UTP3: variants seen among roughly 807,000 people sequenced by gnomAD.
The protein encoded by UTP3 is UTP3 small subunit processome component, also known as something about silencing protein 10.
UTP3 carries 19 observed loss-of-function variants against 37.9 expected under a neutral mutation model. The ratio of observed to expected loss-of-function variants is 0.50; its 90% CI spans 0.35 to 0.74. The LOEUF is 0.74. Ranked by LOEUF, UTP3 falls within the 30% of genes least tolerant of loss-of-function variation. The probability of loss-of-function intolerance (pLI) is 0.01; values close to 1 mark genes in which losing one functional copy is unlikely to be tolerated. For missense variants in UTP3, 504 were observed against 570.7 expected (o/e 0.88, Z 1.19); for synonymous variants, 242 against 218.5 (o/e 1.11, Z -0.95).
chr4:70,689,547 C>A lies in UTP3; in HGVS notation c.870C>A (p.Val290=), dbSNP rs146828085. Residue 290 remains valine, a synonymous_variant, in exon 1 of 1, where the codon GTC becomes GTA. Transcript: ENST00000254803. Reference sequence around the variant, plus strand: ...ATTTGATCCTGAAAGCTAGGAGAGTCCCAGCACATGGACATCCTGTCATAG... The same window carrying A: ...ATTTGATCCTGAAAGCTAGGAGAGTACCAGCACATGGACATCCTGTCATAG... ...SFYLILKARR[V]PAHGHPVIER... is the part of the protein sequence containing the mutation. 1.0e-4 allele frequency: 169 copies of A among 1,614,068 alleles called. 1 individual carries two copies. The highest frequency in any genetic ancestry group is 8.4e-5 in the Non-Finnish European group (99 of 1,180,050).
At position 70,689,053 on chromosome 4, in the gene UTP3, A is replaced by T; in HGVS notation, c.376A>T (p.Ser126Cys). ...QSEAEASVDP[S>C]LSWGQRKKLY... is the part of the protein sequence containing the mutation. ...TGAAGCTGAGGCCTCTGTGGATCCC[A>T]GTTTGTCGTGGGGTCAGAGGAAAAA... The change falls in exon 1 of 1, where the codon AGT becomes TGT. Residue 126 changes from serine to cysteine, a missense_variant. Transcript: ENST00000254803. The T allele has an allele frequency of 6.3e-7, 1 of 1,591,822 alleles. No individual in the cohort carries two copies. Among genetic ancestry groups the T allele is most frequent in the Non-Finnish European group, 8.6e-7 (1 of 1,168,088 alleles).
In UTP3 at chr4:70,689,937, A is replaced by G; in HGVS notation, c.1260A>G (p.Gly420=). The part of the protein sequence containing the change: ...AITYQIAKNR[G]LTPRRKKIDR... ...CCTATCAAATTGCTAAAAATAGGGG[A>G]CTTACTCCTAGGAGAAAGAAGATTG... The change falls in exon 1 of 1, where the codon GGA becomes GGG. Residue 420 remains glycine, a synonymous_variant. Transcript: ENST00000254803. 1 of 1,614,024 alleles carries G rather than the reference A, an allele frequency of 6.2e-7. No individual in the cohort carries two copies. The highest frequency in any genetic ancestry group is 1.7e-5 in the Admixed American group (1 of 59,960).
In UTP3 at chr4:70,688,546, A is replaced by G; in HGVS notation, c.-132A>G. 1.2e-6 allele frequency: 1 copy of G among 864,086 alleles called. No individual in the cohort carries two copies. The highest frequency in any genetic ancestry group is 1.7e-6 in the Non-Finnish European group (1 of 573,002). The allele number at this position is 864,086 out of a possible 1,614,324, so 53.5% of individuals were successfully genotyped here. A position where few individuals can be genotyped will look rare whatever the true frequency, so the allele number is the denominator to read the frequency against. On this transcript the variant is annotated 5_prime_UTR_variant, in exon 1 of 1. Coordinates refer to ENST00000254803, the MANE Select transcript of UTP3 (RefSeq NM_020368.3). ...GAGGAAATTCCAGTAGCCGATCAGG[A>G]GTCTGCAAACTCCGGTGGTAGGGGA... is the stretch of plus-strand genomic sequence containing the variant.
At position 70,688,912 on chromosome 4, in the gene UTP3, G is replaced by A. The variant is rs770429602; in HGVS notation, c.235G>A (p.Glu79Lys). The A allele has an allele frequency of 2.5e-6, 4 of 1,613,508 alleles. No individual in the cohort carries two copies. The highest frequency in any genetic ancestry group is 3.4e-6 in the Non-Finnish European group (4 of 1,179,638). The change falls in exon 1 of 1, where the codon GAG becomes AAG. Residue 79 changes from glutamate to lysine, a missense_variant. Transcript: ENST00000254803. ...AGACGAGGAGGATGGCGAGGAGGAGGAGGAGGAGGTGCTAGCCCTAGATAT... is the reference window on the plus strand; with the variant it reads ...AGACGAGGAGGATGGCGAGGAGGAGAAGGAGGAGGTGCTAGCCCTAGATAT... The part of the protein sequence containing the change: ...SGDEEDGEEE[E>K]EEVLALDMDD...
chr4:70,689,881 C>T lies in UTP3; in HGVS notation c.1204C>T (p.Leu402Phe). The T allele has an allele frequency of 6.2e-7, 1 of 1,613,978 alleles. No homozygotes were observed. Among genetic ancestry groups the T allele is most frequent in the Non-Finnish European group, 8.5e-7 (1 of 1,180,014 alleles). ...KEENSTEEQA[L>F]EDQNAKRAIT... is the part of the protein sequence containing the mutation. Reference sequence around the variant, plus strand: ...AGAAAATAGCACTGAAGAACAGGCTCTTGAAGATCAAAATGCAAAGAGAGC... The same window carrying T: ...AGAAAATAGCACTGAAGAACAGGCTTTTGAAGATCAAAATGCAAAGAGAGC... The change falls in exon 1 of 1, where the codon CTT becomes TTT. Residue 402 changes from leucine to phenylalanine, a missense_variant. Transcript: ENST00000254803.
Position 70,688,859 on chromosome 4 carries a change from C to T in UTP3, c.182C>T (p.Ala61Val), listed in dbSNP as rs756612188. Residue 61 changes from alanine to valine, a missense_variant, in exon 1 of 1, where the codon GCT becomes GTT. Physicochemically the swap from Ala to Val is moderately conservative, Grantham distance 64 (BLOSUM62 0). Coordinates refer to ENST00000254803, the MANE Select transcript of UTP3 (RefSeq NM_020368.3). ...GAGGCACGATCCCGGGCCGCCTTAG[C>T]TAAGGGCTGGAATGAAGTACAGAGT... ...FHEARSRAAL[A>V]KGWNEVQSGD... 3 of 1,614,048 alleles carry T rather than the reference C, an allele frequency of 1.9e-6. No individual in the cohort carries two copies. The South Asian group carries it at 3.3e-5, about 18-fold the overall frequency.
At position 70,690,251 on chromosome 4, in the gene UTP3, T is replaced by G. The variant is rs2148536729; in HGVS notation, c.*134T>G. ...CCACAAGGAAATTTGTCTGGGTTAT[T>G]GGACAATTTATAAGAACTATGGGAG... On this transcript the variant is annotated 3_prime_UTR_variant, in exon 1 of 1. Transcript: ENST00000254803. The G allele has an allele frequency of 1.0e-6, 1 of 976,288 alleles. No homozygotes were observed. Among genetic ancestry groups the G allele is most frequent in the Non-Finnish European group, 1.4e-6 (1 of 723,934 alleles). The allele number at this position is 976,288 out of a possible 1,614,324, so 60.5% of individuals were successfully genotyped here.
At position 70,689,124 on chromosome 4, in the gene UTP3, G is replaced by A. The variant is rs1425518676; in HGVS notation, c.447G>A (p.Gln149=). 1.1e-5 allele frequency: 17 copies of A among 1,613,610 alleles called. No homozygotes were observed. The highest frequency in any genetic ancestry group is 1.7e-5 in the Admixed American group (1 of 59,946). Residue 149 remains glutamine (Q), a synonymous_variant, in exon 1 of 1, where the codon CAG becomes CAA. Coordinates refer to ENST00000254803, the MANE Select transcript of UTP3 (RefSeq NM_020368.3). The stretch of plus-strand genomic sequence containing the variant: ...ATGGTTCCAAGTCCCGAGGCCGGCA[G>A]AGTCAACAGGAGGCAGAGGAGGAGG... ...TDYGSKSRGR[Q]SQQEAEEEER...
Position 70,688,971 on chromosome 4 carries a change from G to A in UTP3, c.294G>A (p.Ala98=), listed in dbSNP as rs1474626928. 1 of 1,601,958 alleles carries A rather than the reference G, an allele frequency of 6.2e-7. No individual in the cohort carries two copies. The highest frequency in any genetic ancestry group is 8.5e-7 in the Non-Finnish European group (1 of 1,172,770). The part of the protein sequence containing the change: ...DDEDDEDGGN[A]GEEEEEENAD... ...AGGACGACGAAGATGGAGGGAATGC[G>A]GGGGAGGAGGAGGAGGAGGAGAATG... is the stretch of plus-strand genomic sequence containing the variant. The change falls in exon 1 of 1, where the codon GCG becomes GCA. Residue 98 remains alanine, a synonymous_variant. Transcript: ENST00000254803.
chr4:70,688,706 C>G lies in UTP3; in HGVS notation c.29C>G (p.Ala10Gly), dbSNP rs1213914368. The change falls in exon 1 of 1, where the codon GCA becomes GGA. Residue 10 changes from alanine (A) to glycine (G), a missense_variant. Transcript: ENST00000254803. MVGRSRRRG[A>G]AKWAAVRAKA... ...GTGGGGAGATCCCGGCGGCGCGGAGCAGCTAAGTGGGCAGCTGTGCGAGCC... is the reference window on the plus strand; with the variant it reads ...GTGGGGAGATCCCGGCGGCGCGGAGGAGCTAAGTGGGCAGCTGTGCGAGCC... The G allele has an allele frequency of 6.2e-6, 10 of 1,613,686 alleles. No individual in the cohort carries two copies. Among genetic ancestry groups the G allele is most frequent in the Non-Finnish European group, 8.5e-6 (10 of 1,179,994 alleles).
Position 70,688,787 on chromosome 4 carries a change from C to T in UTP3, c.110C>T (p.Ser37Leu). The T allele has an allele frequency of 6.2e-7, 1 of 1,614,198 alleles. No homozygotes were observed. The highest frequency in any genetic ancestry group is 1.3e-5 in the African/African-American group (1 of 75,052). The stretch of plus-strand genomic sequence containing the variant: ...GGAGATGATTTAGGATTGCCACCCT[C>T]ACCAGGGGACACCAGCTACTACCAA... ...ENGDDLGLPP[S>L]PGDTSYYQDQ... The change falls in exon 1 of 1, where the codon TCA becomes TTA. Residue 37 changes from serine to leucine, a missense_variant. Ser to Leu is a moderately radical substitution (Grantham distance 145). Coordinates refer to ENST00000254803, the MANE Select transcript of UTP3 (RefSeq NM_020368.3).
At position 70,688,948 on chromosome 4, in the gene UTP3, G is replaced by T. The variant is rs1223827666; in HGVS notation, c.271G>T (p.Asp91Tyr). 4 of 1,609,072 alleles carry T rather than the reference G, an allele frequency of 2.5e-6. No homozygotes were observed. Among genetic ancestry groups the T allele is most frequent in the Non-Finnish European group, 3.4e-6 (4 of 1,176,782 alleles). The change falls in exon 1 of 1, where the codon GAC becomes TAC. Residue 91 changes from aspartate (D) to tyrosine (Y), a missense_variant. Asp to Tyr is a radical substitution (Grantham distance 160). Transcript: ENST00000254803. Reference protein sequence around the residue: ...EVLALDMDDEDDEDGGNAGEE... With the variant: ...EVLALDMDDEYDEDGGNAGEE... ...GCTAGCCCTAGATATGGACGATGAGGACGACGAAGATGGAGGGAATGCGGG... is the reference window on the plus strand; with the variant it reads ...GCTAGCCCTAGATATGGACGATGAGTACGACGAAGATGGAGGGAATGCGGG...
Position 70,690,054 on chromosome 4 carries a change from A to G in UTP3, c.1377A>G (p.Gln459=). 1 of 1,613,642 alleles carries G rather than the reference A, an allele frequency of 6.2e-7. No individual in the cohort carries two copies. The highest frequency in any genetic ancestry group is 8.5e-7 in the Non-Finnish European group (1 of 1,179,918). ...TTCGTGAAGTTCGTAAAGAAGAGCAACGTTATAGTGGTGAATTATCTGGCA... is the reference window on the plus strand; with the variant it reads ...TTCGTGAAGTTCGTAAAGAAGAGCAGCGTTATAGTGGTGAATTATCTGGCA... ...GQVREVRKEE[Q]RYSGELSGIR... is the part of the protein sequence containing the mutation. The change falls in exon 1 of 1, where the codon CAA becomes CAG. Residue 459 remains glutamine (Q), a synonymous_variant. Coordinates refer to ENST00000254803, the MANE Select transcript of UTP3 (RefSeq NM_020368.3).
Position 70,689,038 on chromosome 4 carries a change from G to T in UTP3, c.361G>T (p.Ala121Ser). 3 of 1,589,086 alleles carry T rather than the reference G, an allele frequency of 1.9e-6. No individual in the cohort carries two copies. The highest frequency in any genetic ancestry group is 1.7e-6 in the Non-Finnish European group (2 of 1,166,628). The change falls in exon 1 of 1, where the codon GCC becomes TCC. Residue 121 changes from alanine to serine, a missense_variant. Ala to Ser is a moderately conservative substitution (Grantham distance 99). Transcript: ENST00000254803. The part of the protein sequence containing the change: ...GGSSVQSEAE[A>S]SVDPSLSWGQ... Reference sequence around the variant, plus strand: ...GAGCTCCGTGCAAAGTGAAGCTGAGGCCTCTGTGGATCCCAGTTTGTCGTG... The same window carrying T: ...GAGCTCCGTGCAAAGTGAAGCTGAGTCCTCTGTGGATCCCAGTTTGTCGTG...
chr4:70,689,672 C>G lies in UTP3; in HGVS notation c.995C>G (p.Ala332Gly). The G allele has an allele frequency of 6.2e-7, 1 of 1,614,202 alleles. No homozygotes were observed. Among genetic ancestry groups the G allele is most frequent in the Admixed American group, 1.7e-5 (1 of 60,022 alleles). Residue 332 changes from alanine (A) to glycine (G), a missense_variant, in exon 1 of 1, where the codon GCT becomes GGT. By Grantham distance (60) the Ala-to-Gly change is moderately conservative (BLOSUM62 0). Coordinates refer to ENST00000254803, the MANE Select transcript of UTP3 (RefSeq NM_020368.3). ...CATCTGTTGACACTTAAGGATGATG[C>G]TGTAAAGAAAGAACTGATTCCAAAA... ...IRHLLTLKDD[A>G]VKKELIPKAK...
At position 70,689,008 on chromosome 4, in the gene UTP3, G is replaced by A. The variant is rs535065797; in HGVS notation, c.331G>A (p.Gly111Ser). ...EEEEENADDD[G>S]GSSVQSEAEA... ...GGAGGAGGAGAATGCCGATGATGAT[G>A]GTGGGAGCTCCGTGCAAAGTGAAGC... The change falls in exon 1 of 1, where the codon GGT becomes AGT. Residue 111 changes from glycine (G) to serine (S), a missense_variant. Physicochemically the swap from Gly to Ser is moderately conservative, Grantham distance 56 (BLOSUM62 0). Coordinates refer to ENST00000254803, the MANE Select transcript of UTP3 (RefSeq NM_020368.3). The A allele has an allele frequency of 4.4e-6, 7 of 1,591,050 alleles. No individual in the cohort carries two copies. The highest frequency in any genetic ancestry group is 1.2e-5 in the South Asian group (1 of 86,460).
At position 70,689,212 on chromosome 4, in the gene UTP3, G is replaced by T; in HGVS notation, c.535G>T (p.Asp179Tyr). The change falls in exon 1 of 1, where the codon GAT becomes TAT. Residue 179 changes from aspartate (D) to tyrosine (Y), a missense_variant. Physicochemically the swap from Asp to Tyr is radical, Grantham distance 160 (BLOSUM62 -3). Transcript: ENST00000254803. ...QRRLAQALQE[D>Y]DFGVAWVEAF... ...GCGCCTAGCCCAAGCGCTGCAAGAG[G>T]ATGATTTTGGTGTCGCCTGGGTTGA... 2 of 1,614,182 alleles carry T rather than the reference G, an allele frequency of 1.2e-6. No individual in the cohort carries two copies. Among genetic ancestry groups the T allele is most frequent in the Non-Finnish European group, 1.7e-6 (2 of 1,179,994 alleles).
rs776505785 is a variant in UTP3, at chr4:70,688,914, G to A, written c.237G>A (p.Glu79=). 1.2e-6 allele frequency: 2 copies of A among 1,613,304 alleles called. No individual in the cohort carries two copies. The highest frequency in any genetic ancestry group is 8.5e-7 in the Non-Finnish European group (1 of 1,179,590). ...SGDEEDGEEE[E]EEVLALDMDD... Reference sequence around the variant, plus strand: ...ACGAGGAGGATGGCGAGGAGGAGGAGGAGGAGGTGCTAGCCCTAGATATGG... The same window carrying A: ...ACGAGGAGGATGGCGAGGAGGAGGAAGAGGAGGTGCTAGCCCTAGATATGG... Residue 79 remains glutamate, a synonymous_variant, in exon 1 of 1, where the codon GAG becomes GAA. Coordinates refer to ENST00000254803, the MANE Select transcript of UTP3 (RefSeq NM_020368.3).
At position 70,688,561 on chromosome 4, in the gene UTP3, G is replaced by C. The variant is rs1045536932; in HGVS notation, c.-117G>C. 1.3e-5 allele frequency: 14 copies of C among 1,056,962 alleles called. No individual in the cohort carries two copies. The highest frequency in any genetic ancestry group is 2.7e-5 in the Admixed American group (1 of 36,646). 65.5% of individuals were successfully genotyped at this position (1,056,962 alleles called of 1,614,324 possible). Reference sequence around the variant, plus strand: ...GCCGATCAGGAGTCTGCAAACTCCGGTGGTAGGGGAGCGCGCTGCTGTTTA... The same window carrying C: ...GCCGATCAGGAGTCTGCAAACTCCGCTGGTAGGGGAGCGCGCTGCTGTTTA... On this transcript the variant is annotated 5_prime_UTR_variant, in exon 1 of 1. Coordinates refer to ENST00000254803, the MANE Select transcript of UTP3 (RefSeq NM_020368.3).
Sources: allele counts gnomAD v4.1 joint callset, GRCh38; gene constraint gnomAD v4.1.1; transcripts MANE v1.5; gene names NCBI Gene and HGNC (gene_info 2026-07-23, HGNC 2026-07-21).